The following USP43 variants were observed in gnomAD, a reference collection of about 807,000 sequenced individuals.
USP43 encodes the protein ubiquitin carboxyl-terminal hydrolase 43.
Under a neutral mutation model 90.7 loss-of-function variants are expected in USP43, and 33 were observed. The ratio of observed to expected loss-of-function variants is 0.36; its 90% CI spans 0.28 to 0.49. USP43 has a LOEUF of 0.49. Ranked by LOEUF, USP43 falls within the 20% of genes least tolerant of loss-of-function variation. The pLI, the probability that USP43 is intolerant of heterozygous loss-of-function variation, is 0.98. For synonymous variants in USP43, 598 were observed against 615.8 expected (o/e 0.97, Z 0.43); for missense variants, 1,274 against 1,476.4 (o/e 0.86, Z 2.25).
intron 9 of USP43, among the ~76,000 whole-genome samples, chr17:9,694,865 C>T (rs768945344): frequency 6.6e-6 from 1 of 152,190 alleles, no homozygotes; most frequent in African/African-American, 2.4e-5. Flanking sequence ...CTCAAGTGAT[C>T]CACCTGCCTC....
At chr17:9,658,698 G>A (rs1912432805) in intron 2 of USP43, among the ~76,000 whole-genome samples, 1 of 152,174 alleles carries the variant, frequency 6.6e-6, no homozygotes, top group South Asian at 2.1e-4. Flanking sequence ...CGTTGTGACA[G>A]AAATTTAACT....
chr17:9,654,432 C>G (rs559773887), intron 1 of USP43, among the ~76,000 whole-genome samples: 1 of 152,036 alleles, frequency 6.6e-6, no homozygotes, highest in South Asian at 2.1e-4. Context: ...GCGGGATCAC[C>G]TGAAATCAGG....
At chr17:9,706,435 T>A (rs1317547343) in intron 12 of USP43, among the ~76,000 whole-genome samples, 1 of 152,098 alleles carries the variant, frequency 6.6e-6, no homozygotes, top group East Asian at 1.9e-4. Flanking sequence ...CACTCTAAGA[T>A]TAAAAAGTGT....
At chr17:9,704,481 A>G (rs554162580) in intron 12 of USP43, among the ~76,000 whole-genome samples, 176 of 151,364 alleles carry the variant, frequency 1.2e-3, no homozygotes, top group African/African-American at 1.5e-3. Flanking sequence ...ACGCCTGGCT[A>G]ATTTTTGTAT....
At chr17:9,713,230 A>C (rs950804774) in intron 14 of USP43, among the ~76,000 whole-genome samples, 8 of 151,966 alleles carry the variant, frequency 5.3e-5, no homozygotes, top group Admixed American at 1.3e-4. Context: ...CTGGGATTAC[A>C]GGCGCCTGCC....
chr17:9,728,801 G>T lies in USP43; in HGVS notation c.3183G>T (p.Arg1061Ser). Residue 1061 changes from arginine to serine, a missense_variant, in exon 15 of 15, where the codon AGG (arginine) becomes AGT (serine). Arg to Ser is a moderately radical substitution (Grantham distance 110). This residue lies in a region of USP43 where 353 missense variants were observed against 329.7 expected (regional missense o/e 1.07). Coordinates refer to ENST00000285199, the MANE Select transcript of USP43 (RefSeq NM_153210.5). The surrounding 1 kb of genome is among the most constrained non-coding windows in gnomAD (Gnocchi z 6.2). ...GGGGCCTGGGCAGCCGGCTCGAGAG[G>T]GATGTCTGGTCAGCCCCCAGCTCTC... ...LARGLGSRLERDVWSAPSSLR... is the reference protein window; with the variant it reads ...LARGLGSRLESDVWSAPSSLR... 6.2e-7 allele frequency: 1 copy of T among 1,612,444 alleles called. No individual in the cohort carries two copies. Among genetic ancestry groups the T allele is most frequent in the South Asian group, 1.1e-5 (1 of 90,986 alleles).
intron 1 of USP43, among the ~76,000 whole-genome samples, chr17:9,650,135 A>G (rs1182001567): frequency 6.6e-6 from 1 of 152,204 alleles, no homozygotes; most frequent in African/African-American, 2.4e-5. Flanking sequence ...ATTTTCCAGT[A>G]TTATACTGTA....
At chr17:9,720,343 AAG>A in intron 14 of USP43, among the ~76,000 whole-genome samples, 1 of 148,394 alleles carries the variant, frequency 6.7e-6, no homozygotes, top group East Asian at 2.0e-4. Context: ...AAAAAAAAGA[AAG>A]AAAGAAAAGA....
At chr17:9,695,390 A>G (rs533823122) in intron 9 of USP43, among the ~76,000 whole-genome samples, 1 of 151,868 alleles carries the variant, frequency 6.6e-6, no homozygotes, top group Non-Finnish European at 1.5e-5. Context: ...CTGGAGTGCA[A>G]TGGTGTAATC....
In USP43 at chr17:9,686,713, G is replaced by A. The variant is rs1914613799; in HGVS notation, c.1242-85G>A. ...TTGTCACTTATCCTATTGACAGGAA[G>A]CCAGGGTTAGAACAACCACTCATGA... On this transcript the variant is annotated intron_variant, in intron 7 of 14. Transcript: ENST00000285199. The surrounding 1 kb of genome is among the most constrained non-coding windows in gnomAD (Gnocchi z 5.5). The A allele has an allele frequency of 3.4e-6, 4 of 1,184,268 alleles. No individual in the cohort carries two copies. The highest frequency in any genetic ancestry group is 4.2e-5 in the Admixed American group (2 of 47,394). 73.4% of individuals were successfully genotyped at this position (1,184,268 alleles called of 1,614,324 possible).
intron 14 of USP43, among the ~76,000 whole-genome samples, chr17:9,714,682 CAA>C (rs34258688): frequency 2.6e-4 from 18 of 69,976 alleles, no homozygotes; most frequent in Non-Finnish European, 4.2e-4. Flanking sequence ...GACTCCATCT[CAA>C]AAAAAAAAAA....
At chr17:9,651,471 A>G (rs769556158) in intron 1 of USP43, among the ~76,000 whole-genome samples, 17 of 152,120 alleles carry the variant, frequency 1.1e-4, no homozygotes, top group Non-Finnish European at 1.9e-4. Flanking sequence ...TTATGCATCT[A>G]TCTATTCTGC....
At chr17:9,670,676 A>G (rs1048189227) in intron 3 of USP43, among the ~76,000 whole-genome samples, 3 of 152,080 alleles carry the variant, frequency 2.0e-5, no homozygotes, top group South Asian at 4.1e-4. Flanking sequence ...GCTTTGAAGT[A>G]CATGCCTGAC....
intron 12 of USP43, among the ~76,000 whole-genome samples, chr17:9,705,472 C>T (rs1220449290): frequency 1.3e-5 from 2 of 151,854 alleles, no homozygotes; most frequent in Admixed American, 1.3e-4. Context: ...ATGTTGCTGT[C>T]GGCCGGGCGT....
rs1245680662 is a variant in USP43 at position 9,693,135 on chromosome 17, G to A, written c.1362G>A (p.Gly454=). Residue 454 remains glycine, a synonymous_variant, in exon 9 of 15, where the codon GGG becomes GGA. Coordinates refer to ENST00000285199, the MANE Select transcript of USP43 (RefSeq NM_153210.5). ...MKSEAPVQNL[G]SLFSIRVVGL... is the part of the protein sequence containing the mutation. ...TGTTTTTGTCTTCGCAGAACCTGGG[G>A]TCTCTGTTCTCCATCCGTGTTGTGG... is the stretch of plus-strand genomic sequence containing the variant. 6.2e-7 allele frequency: 1 copy of A among 1,613,514 alleles called. No homozygotes were observed. Among genetic ancestry groups the A allele is most frequent in the Non-Finnish European group, 8.5e-7 (1 of 1,179,750 alleles).
intron 9 of USP43, among the ~76,000 whole-genome samples, chr17:9,697,426 A>G (rs1416384390): frequency 2.6e-5 from 4 of 151,996 alleles, no homozygotes; most frequent in South Asian, 2.1e-4. Context: ...TATATAACCC[A>G]TCACTCAAAT....
Position 9,701,428 on chromosome 17 carries a change from C to T in USP43, c.1739C>T (p.Thr580Met), listed in dbSNP as rs763162844. ...QQGMVKLSLW[T>M]LPDILIIHLK... The stretch of plus-strand genomic sequence containing the variant: ...GGGATGGTGAAGCTGAGTTTGTGGA[C>T]GCTGCCTGACATCCTCATCATCCAC... Residue 580 changes from threonine (T) to methionine (M), a missense_variant, in exon 12 of 15, where the codon ACG becomes ATG. By Grantham distance (81) the Thr-to-Met change is moderately conservative. Transcript: ENST00000285199. The surrounding 1 kb of genome is among the most constrained non-coding windows in gnomAD (Gnocchi z 7.2). The T allele has an allele frequency of 8.1e-6, 13 of 1,601,664 alleles. No homozygotes were observed. The highest frequency in any genetic ancestry group is 1.7e-5 in the Admixed American group (1 of 58,066).
intron 2 of USP43, among the ~76,000 whole-genome samples, chr17:9,663,299 T>TC (rs1912772863): frequency 7.1e-6 from 1 of 140,768 alleles, no homozygotes; most frequent in Non-Finnish European, 1.6e-5. Flanking sequence ...ATTTGGATGT[T>TC]CTTTTTTTTT....
chr17:9,653,517 G>C (rs1235377443), intron 1 of USP43, among the ~76,000 whole-genome samples: 1 of 151,856 alleles, frequency 6.6e-6, no homozygotes, highest in East Asian at 1.9e-4. Context: ...GAACCCAGGA[G>C]ACCAAGGTTG....
Sources: gnomAD v4.1 joint callset for allele counts (sites outside exome capture counted in the v4.1 genomes callset) on GRCh38, gnomAD v4.1.1 for gene constraint, gnomAD v4.1.1 regional missense constraint, Gnocchi (gnomAD v3.1) non-coding constraint, MANE v1.5 for transcripts, NCBI Gene and HGNC (gene_info 2026-07-23, HGNC 2026-07-21) for gene names.